The following ADGRB3 variants were observed in gnomAD, a reference collection of about 807,000 sequenced individuals.
ADGRB3 encodes adhesion G protein-coupled receptor B3.
ADGRB3 carries 37 observed loss-of-function variants against 193.4 expected under a neutral mutation model. The observed-to-expected ratio is 0.19, with a 90% CI of 0.15 to 0.25. The LOEUF (loss-of-function observed/expected upper bound fraction) is 0.25, where lower values mean the gene tolerates loss of function less well. Ranked by LOEUF, ADGRB3 falls within the 10% of genes least tolerant of loss-of-function variation. The probability of loss-of-function intolerance (pLI) is 1.00; values close to 1 mark genes in which losing one functional copy is unlikely to be tolerated. For synonymous variants in ADGRB3, 690 were observed against 644.2 expected, an observed-to-expected ratio of 1.07 and a Z score of -1.08; for missense variants, 1,637 against 1,852.9, an observed-to-expected ratio of 0.88 and a Z score of 2.14.
chr6:69,162,454 A>G (rs1027652522), intron 17 of ADGRB3, among the ~76,000 whole-genome samples: 4 of 152,110 alleles, frequency 2.6e-5, no homozygotes, highest in Admixed American at 6.6e-5. Context: ...AGACAGAGAG[A>G]AGCGCAGCCT....
intron 3 of ADGRB3, among the ~76,000 whole-genome samples, chr6:68,851,161 C>T (rs1034171591): frequency 6.6e-6 from 1 of 151,956 alleles, no homozygotes; most frequent in South Asian, 2.1e-4. Context: ...CCTACTATAC[C>T]TGATACCAGT....
At chr6:68,989,497 A>G (rs908069495) in intron 10 of ADGRB3, among the ~76,000 whole-genome samples, 1 of 152,146 alleles carries the variant, frequency 6.6e-6, no homozygotes, top group Admixed American at 6.6e-5. Context: ...GAGAAACACT[A>G]TATAGCTAGC....
intron 3 of ADGRB3, among the ~76,000 whole-genome samples, chr6:68,747,780 A>T (rs1336828259): frequency 6.6e-6 from 1 of 152,140 alleles, no homozygotes; most frequent in East Asian, 1.9e-4. Context: ...ACAGCCCTTA[A>T]GTTATCATTT....
intron 20 of ADGRB3, among the ~76,000 whole-genome samples, chr6:69,293,802 C>A (rs545317484): frequency 7.2e-5 from 11 of 152,028 alleles, no homozygotes; most frequent in Non-Finnish European, 1.5e-4. Context: ...GGGGACCTAC[C>A]CACCTGGAGC....
intron 3 of ADGRB3, among the ~76,000 whole-genome samples, chr6:68,691,893 GC>G (rs1310291897): frequency 6.6e-6 from 1 of 151,016 alleles, no homozygotes; most frequent in Non-Finnish European, 1.5e-5. Flanking sequence ...TTAATATATA[GC>G]CTCCATTGGA....
chr6:69,031,037 C>CTCT (rs1554248319), intron 13 of ADGRB3, among the ~76,000 whole-genome samples: 4 of 36,558 alleles, frequency 1.1e-4, no homozygotes, highest in East Asian at 4.8e-4. Flanking sequence ...CTCTTCTCTT[C>CTCT]TCTCTTCTCT....
chr6:68,864,112 G>A (rs1291147323), intron 3 of ADGRB3, among the ~76,000 whole-genome samples: 2 of 151,784 alleles, frequency 1.3e-5, no homozygotes, highest in African/African-American at 4.8e-5. Context: ...ATTTGATCAG[G>A]GAAAAAACAA....
At chr6:69,029,165 G>A (rs551872939) in intron 13 of ADGRB3, among the ~76,000 whole-genome samples, 1 of 152,162 alleles carries the variant, frequency 6.6e-6, no homozygotes, top group South Asian at 2.1e-4. Context: ...TTTATTATGT[G>A]ACTCTAGGGA....
chr6:68,700,935 C>T (rs567245564), intron 3 of ADGRB3, among the ~76,000 whole-genome samples: 5 of 151,758 alleles, frequency 3.3e-5, no homozygotes, highest in South Asian at 4.2e-4. Flanking sequence ...CAAACCTGCA[C>T]GTTGTGCACA....
intron 17 of ADGRB3, among the ~76,000 whole-genome samples, chr6:69,095,465 A>AG (rs1372786097): frequency 6.6e-6 from 1 of 152,130 alleles, no homozygotes; most frequent in Non-Finnish European, 1.5e-5. Flanking sequence ...AGTTCTTTAA[A>AG]GGCACACCCA....
intron 3 of ADGRB3, among the ~76,000 whole-genome samples, chr6:68,886,391 A>G (rs4706710): frequency 0.68 from 103,824 of 151,902 alleles, 36,101 homozygotes; most frequent in Middle Eastern, 0.81. Context: ...TTGGGCAATA[A>G]TGACCCCCAT....
intron 26 of ADGRB3, among the ~76,000 whole-genome samples, chr6:69,347,920 C>T (rs1026638667): frequency 5.3e-5 from 8 of 152,182 alleles, no homozygotes; most frequent in African/African-American, 1.7e-4. Context: ...GGGCATCACA[C>T]AGGCAAGGAC....
intron 17 of ADGRB3, among the ~76,000 whole-genome samples, chr6:69,130,796 C>T (rs1197037171): frequency 6.6e-6 from 1 of 151,904 alleles, no homozygotes; most frequent in East Asian, 1.9e-4. Flanking sequence ...ACAATGATTT[C>T]AGCTCTTTAA....
chr6:69,103,772 C>A (rs1461155986), intron 17 of ADGRB3, among the ~76,000 whole-genome samples: 1 of 149,812 alleles, frequency 6.7e-6, no homozygotes, highest in Non-Finnish European at 1.5e-5. Context: ...TTATTATATT[C>A]ATTATTATAA....
At chr6:68,647,388 A>G (rs888058319) in intron 3 of ADGRB3, among the ~76,000 whole-genome samples, 4 of 152,286 alleles carry the variant, frequency 2.6e-5, no homozygotes, top group South Asian at 4.1e-4. Context: ...TTAATATAAA[A>G]TATTCTCTTC....
At chr6:69,384,702 A>T (rs1463501018) in intron 31 of ADGRB3, among the ~76,000 whole-genome samples, 1 of 151,978 alleles carries the variant, frequency 6.6e-6, no homozygotes, top group Non-Finnish European at 1.5e-5. Flanking sequence ...AGATTTATAA[A>T]TATTTACCAT....
At chr6:69,279,464 G>A (rs1159673086) in intron 20 of ADGRB3, among the ~76,000 whole-genome samples, 1 of 151,838 alleles carries the variant, frequency 6.6e-6, no homozygotes, top group Non-Finnish European at 1.5e-5. Flanking sequence ...GTGTGTGTGT[G>A]TGTGTGTGTG....
chr6:69,196,874 T>C (rs1311630062), intron 17 of ADGRB3, among the ~76,000 whole-genome samples: 1 of 152,120 alleles, frequency 6.6e-6, no homozygotes, highest in Non-Finnish European at 1.5e-5. Flanking sequence ...GGCAGTATGA[T>C]GTAGCAGAAG....
At chr6:69,008,615 G>T (rs73467723) in intron 11 of ADGRB3, among the ~76,000 whole-genome samples, 5,589 of 152,186 alleles carry the variant, frequency 0.037, 296 homozygotes, top group African/African-American at 0.12. Flanking sequence ...CAGGAGCAGG[G>T]TAAGGGTAGT....
Sources: allele counts gnomAD v4.1 joint callset (sites outside exome capture counted in the v4.1 genomes callset), GRCh38; gene constraint gnomAD v4.1.1; transcripts MANE v1.5; gene names NCBI Gene and HGNC (gene_info 2026-07-23, HGNC 2026-07-21).